Variants in RFTN2 observed in about 807,000 individuals in gnomAD.
RFTN2 encodes the protein raftlin family member 2.
Under a neutral mutation model 52.7 loss-of-function variants are expected in RFTN2, and 34 were observed. The ratio of observed to expected loss-of-function variants is 0.64; its 90% confidence interval spans 0.49 to 0.86. RFTN2 has a LOEUF of 0.86. Among genes scored for constraint, RFTN2 ranks in the 40% least tolerant of loss-of-function variants. The probability of loss-of-function intolerance (pLI) is 0.00; values close to 1 mark genes in which losing one functional copy is unlikely to be tolerated. For missense variants in RFTN2, 536 were observed against 600.1 expected, an observed-to-expected ratio of 0.89 and a Z score of 1.12; for synonymous variants, 203 against 217.7, an observed-to-expected ratio of 0.93 and a Z score of 0.59.
intron 7 of RFTN2, among the ~76,000 whole-genome samples, chr2:197,608,148 T>C (rs1457888852): frequency 6.6e-6 from 1 of 152,110 alleles, no homozygotes; most frequent in Non-Finnish European, 1.5e-5. Context: ...GAGATTGAGA[T>C]TGGGACTCCA....
intron 8 of RFTN2, chr2:197,588,121 G>T: frequency 2.4e-6 from 1 of 414,494 alleles, no homozygotes; most frequent in South Asian, 1.8e-5. Flanking sequence ...TATAGAAAAT[G>T]TGACAAAAAC....
intron 8 of RFTN2, among the ~76,000 whole-genome samples, chr2:197,586,084 C>T (rs1412414046): frequency 6.6e-6 from 1 of 152,142 alleles, no homozygotes; most frequent in Non-Finnish European, 1.5e-5. Flanking sequence ...ACAGATAAGC[C>T]CTCTATCAAT....
At chr2:197,611,356 C>G (rs1430512924) in intron 7 of RFTN2, among the ~76,000 whole-genome samples, 3 of 152,166 alleles carry the variant, frequency 2.0e-5, no homozygotes, top group Non-Finnish European at 4.4e-5. Context: ...TGTATGTGTC[C>G]AGGAAGTCAT....
At chr2:197,585,291 C>T (rs968761982) in intron 8 of RFTN2, among the ~76,000 whole-genome samples, 5 of 152,284 alleles carry the variant, frequency 3.3e-5, no homozygotes, top group Admixed American at 1.3e-4. Context: ...AACTTGTCAT[C>T]CCTACTGTCT....
intron 7 of RFTN2, among the ~76,000 whole-genome samples, chr2:197,612,761 C>T (rs1259687060): frequency 6.6e-6 from 1 of 152,134 alleles, no homozygotes; most frequent in African/African-American, 2.4e-5. Flanking sequence ...ATTGAAGCAA[C>T]AACTTTAACC....
At chr2:197,594,508 T>G (rs2087766417) in intron 8 of RFTN2, among the ~76,000 whole-genome samples, 1 of 152,044 alleles carries the variant, frequency 6.6e-6, no homozygotes, top group South Asian at 2.1e-4. Context: ...ATTTTTTAAT[T>G]TTTTGTAGAG....
chr2:197,601,945 A>C (rs1348135127), intron 7 of RFTN2, among the ~76,000 whole-genome samples: 1 of 152,234 alleles, frequency 6.6e-6, no homozygotes, highest in Non-Finnish European at 1.5e-5. Context: ...CTTTGCCTTA[A>C]AATTCCCCCA....
At chr2:197,623,757 C>T (rs570818798) in intron 5 of RFTN2, among the ~76,000 whole-genome samples, 43 of 152,304 alleles carry the variant, frequency 2.8e-4, no homozygotes, top group African/African-American at 9.4e-4. Flanking sequence ...ACCTCTGCCT[C>T]CCGGGTTCAA....
intron 1 of RFTN2, among the ~76,000 whole-genome samples, chr2:197,646,910 A>AAC (rs896606159): frequency 1.2e-4 from 16 of 136,420 alleles, no homozygotes; most frequent in East Asian, 4.5e-4. Context: ...AAAAAAAAAA[A>AAC]AAAAAAAAAA....
At chr2:197,674,791 CT>C (rs35890768) in intron 1 of RFTN2, among the ~76,000 whole-genome samples, 6,796 of 141,660 alleles carry the variant, frequency 0.048, 191 homozygotes, top group Middle Eastern at 0.077. Context: ...AGAAGGCTAT[CT>C]TTTTTTTTTT....
chr2:197,626,667 G>C (rs952732606), intron 5 of RFTN2, among the ~76,000 whole-genome samples: 1 of 137,110 alleles, frequency 7.3e-6, no homozygotes, highest in Non-Finnish European at 1.5e-5. Context: ...TGTCGCCTGG[G>C]CTAGAGTGCA....
chr2:197,608,812 G>A (rs2088007146), intron 7 of RFTN2, among the ~76,000 whole-genome samples: 1 of 151,618 alleles, frequency 6.6e-6, no homozygotes, highest in Non-Finnish European at 1.5e-5. Context: ...GCCCCAGTGT[G>A]TGATGTTCCC....
chr2:197,628,749 C>CTT (rs2106228709), intron 5 of RFTN2, among the ~76,000 whole-genome samples: 1 of 152,308 alleles, frequency 6.6e-6, no homozygotes, highest in Non-Finnish European at 1.5e-5. Context: ...AAAATGAACT[C>CTT]TGACTGTAGG....
At chr2:197,593,240 C>T (rs2087745311) in intron 8 of RFTN2, among the ~76,000 whole-genome samples, 1 of 151,958 alleles carries the variant, frequency 6.6e-6, no homozygotes, top group African/African-American at 2.4e-5. Flanking sequence ...TGGATAGTAT[C>T]TAAAGCTAAA....
intron 8 of RFTN2, among the ~76,000 whole-genome samples, chr2:197,583,421 C>T (rs897932831): frequency 1.3e-5 from 2 of 152,160 alleles, no homozygotes; most frequent in African/African-American, 2.4e-5. Context: ...TCAGTTTGGC[C>T]TTTCCACCTT....
At position 197,633,876 on chromosome 2, in the gene RFTN2, C is replaced by A. The variant is rs1265289249; in HGVS notation, c.560G>T (p.Arg187Ile). The A allele has an allele frequency of 1.2e-6, 2 of 1,613,952 alleles. No homozygotes were observed. The highest frequency in any genetic ancestry group is 3.3e-5 in the Admixed American group (2 of 60,004). ...TCTACAGTTTTCATCTGAACCGTGT[C>A]TCACATGTAGCATCGATTCTATATC... ...DGDIESMLHV[R>I]HGSDENCRSW... The change falls in exon 4 of 9, where the codon AGA becomes ATA. Residue 187 changes from arginine (R) to isoleucine (I), a missense_variant. By Grantham distance (97) the Arg-to-Ile change is moderately conservative. Coordinates refer to ENST00000295049, the MANE Select transcript of RFTN2 (RefSeq NM_144629.3).
intron 1 of RFTN2, among the ~76,000 whole-genome samples, chr2:197,653,340 G>A (rs2088849883): frequency 6.6e-6 from 1 of 152,124 alleles, no homozygotes; most frequent in African/African-American, 2.4e-5. Flanking sequence ...AGACCTGACG[G>A]GTGTCTTTCA....
chr2:197,595,193 GA>G (rs1255877440), intron 8 of RFTN2, among the ~76,000 whole-genome samples: 3 of 152,184 alleles, frequency 2.0e-5, no homozygotes, highest in Admixed American at 6.5e-5. Flanking sequence ...TAACATAAAA[GA>G]AAAGTGTTGC....
chr2:197,611,270 A>T (rs990283442), intron 7 of RFTN2, among the ~76,000 whole-genome samples: 6 of 152,128 alleles, frequency 3.9e-5, no homozygotes, highest in African/African-American at 1.4e-4. Context: ...TACGCTATTA[A>T]TTATTGCCTC....
Sources: allele counts gnomAD v4.1 joint callset (sites outside exome capture counted in the v4.1 genomes callset), GRCh38; gene constraint gnomAD v4.1.1; transcripts MANE v1.5; gene names NCBI Gene and HGNC (gene_info 2026-07-23, HGNC 2026-07-21).